The following CHD1L variants were observed in gnomAD, a reference collection of about 807,000 sequenced individuals.
CHD1L encodes chromodomain helicase DNA binding protein 1 like.
Under a neutral mutation model 115.9 loss-of-function variants are expected in CHD1L, and 118 were observed. The ratio of observed to expected loss-of-function variants is 1.02; its 90% CI spans 0.88 to 1.19. The LOEUF is 1.19. Among genes scored for constraint, CHD1L ranks in the 50% most tolerant of loss-of-function variants. The pLI is 0.00. For missense variants in CHD1L, 1,179 were observed against 1,065.3 expected (o/e 1.11, Z -1.49); for synonymous variants, 411 against 387.1 (o/e 1.06, Z -0.72).
chr1:147,291,526 G>A lies in CHD1L; in HGVS notation c.2365G>A (p.Glu789Lys). 1 of 1,613,920 alleles carries A rather than the reference G, an allele frequency of 6.2e-7. No individual in the cohort carries two copies. The highest frequency in any genetic ancestry group is 1.7e-5 in the Admixed American group (1 of 60,006). ...GVLLFPVDDK[E>K]SRNKGQDLLA... The stretch of plus-strand genomic sequence containing the variant: ...CCTTTTATTTCCTGTTGATGATAAA[G>A]AATCAAGAAACAAAGGGCAAGATTT... The change falls in exon 20 of 23, where the codon GAA (glutamate) becomes AAA (lysine). Residue 789 changes from glutamate (E) to lysine (K), a missense_variant. Coordinates refer to ENST00000369258, the MANE Select transcript of CHD1L (RefSeq NM_004284.6).
the CHD1L span, among the ~76,000 whole-genome samples, chr1:147,230,668 T>C: frequency 4.2e-5 from 6 of 143,156 alleles, no homozygotes; most frequent in Non-Finnish European, 9.0e-5. Flanking sequence ...AAGCTATTAA[T>C]TATTGCCTCA....
At chr1:147,229,582 C>G in the CHD1L span, among the ~76,000 whole-genome samples, 2 of 152,252 alleles carry the variant, frequency 1.3e-5, no homozygotes, top group South Asian at 4.2e-4. Flanking sequence ...GGCATTTAAT[C>G]TATAAATTAC....
chr1:147,244,484 TAC>T (rs1432354158), intron 1 of CHD1L, among the ~76,000 whole-genome samples: 1 of 236 alleles, frequency 4.2e-3, no homozygotes, highest in South Asian at 0.1. Flanking sequence ...AAATTCTTAC[TAC>T]TTTTTTTTCG....
Position 147,275,443 on chromosome 1 carries a change from A to G in CHD1L, c.1360A>G (p.Arg454Gly). The change falls in exon 13 of 23, where the codon AGG (arginine) becomes GGG (glycine). Residue 454 changes from arginine (R) to glycine (G), a missense_variant. Transcript: ENST00000369258. ...NPQNDLQAAA[R>G]AHRIGQNKSV... The stretch of plus-strand genomic sequence containing the variant: ...TCAGAATGACTTGCAAGCAGCTGCC[A>G]GGGCTCATCGCATTGGCCAAAACAA... 1.9e-6 allele frequency: 3 copies of G among 1,614,128 alleles called. No individual in the cohort carries two copies. In the South Asian group the frequency reaches 3.3e-5, roughly 18 times the overall value.
chr1:147,232,773 T>G, the CHD1L span, among the ~76,000 whole-genome samples: 2 of 152,218 alleles, frequency 1.3e-5, no homozygotes, highest in Non-Finnish European at 2.9e-5. Flanking sequence ...GGTGCCGGGA[T>G]TGCAGATGGT....
intron 18 of CHD1L, 110 bp downstream of exon 18, chr1:147,286,610 C>G (rs1553966182): frequency 1.8e-6 from 1 of 566,786 alleles, no homozygotes; most frequent in Non-Finnish European, 2.9e-6. Context: ...TAGTATTGTA[C>G]AGTCAAAAAA....
intron 1 of CHD1L, among the ~76,000 whole-genome samples, chr1:147,248,200 T>C (rs1406617555): frequency 9.3e-6 from 1 of 107,536 alleles, no homozygotes; most frequent in Non-Finnish European, 1.8e-5. Flanking sequence ...AAATCCACTC[T>C]GGAAGTCTTA....
the CHD1L span, among the ~76,000 whole-genome samples, chr1:147,208,056 A>C: frequency 6.6e-6 from 1 of 152,226 alleles, no homozygotes; most frequent in South Asian, 2.1e-4. Flanking sequence ...AAATAGTACC[A>C]ACTTATAGGG....
chr1:147,259,764 T>C, intron 5 of CHD1L, 73 bp from the exon 6 acceptor site: 2 of 1,289,704 alleles, frequency 1.6e-6, no homozygotes, highest in Non-Finnish European at 2.2e-6. Flanking sequence ...GTCACAGTTT[T>C]GTAGTAAGAC....
intron 15 of CHD1L, among the ~76,000 whole-genome samples, chr1:147,280,635 C>A (rs1240854059): frequency 6.6e-6 from 1 of 152,170 alleles, no homozygotes; most frequent in African/African-American, 2.4e-5. Flanking sequence ...CGGACTTTGT[C>A]ATGTGCTTTT....
the CHD1L span, chr1:147,178,701 T>A: frequency 6.3e-7 from 1 of 1,575,514 alleles, no homozygotes; most frequent in Non-Finnish European, 8.7e-7. Flanking sequence ...TGAACGAGTA[T>A]GATGATAACG....
chr1:147,236,435 G>A, the CHD1L span, among the ~76,000 whole-genome samples: 1 of 152,246 alleles, frequency 6.6e-6, no homozygotes, highest in East Asian at 1.9e-4. Context: ...CGTCCAAGTA[G>A]AATGATGTAA....
rs587604161 is a variant in CHD1L at position 147,269,262 on chromosome 1, T to A, written c.1085+384T>A. The stretch of plus-strand genomic sequence containing the variant: ...TGCCTGCTAGTAACTTGGCATTGAA[T>A]TGACACATAATGAAGGCTCAGTAAA... On this transcript the variant is annotated intron_variant, in intron 10 of 22. Transcript: ENST00000369258. Among the ~76,000 whole-genome samples the A allele has an allele frequency of 3.3e-5, 5 of 152,316 alleles. No homozygotes were observed. In the East Asian group the frequency reaches 9.7e-4, roughly 29 times the overall value.
At chr1:147,269,273 T>C (rs1395725455) in intron 10 of CHD1L, among the ~76,000 whole-genome samples, 3 of 152,216 alleles carry the variant, frequency 2.0e-5, no homozygotes, top group Admixed American at 6.5e-5. Context: ...TGACACATAA[T>C]GAAGGCTCAG....
intron 5 of CHD1L, among the ~76,000 whole-genome samples, chr1:147,258,101 T>A (rs975498954): frequency 6.6e-6 from 1 of 152,218 alleles, no homozygotes; most frequent in African/African-American, 2.4e-5. Context: ...TAATATCATC[T>A]CTGCCCTAAA....
At chr1:147,190,070 A>T in the CHD1L span, 1 of 711,898 alleles carries the variant, frequency 1.4e-6, no homozygotes, top group South Asian at 2.2e-5. Flanking sequence ...TCATAATAGA[A>T]TCTAAATCCT....
At chr1:147,179,641 C>T in the CHD1L span, 4 of 1,398,038 alleles carry the variant, frequency 2.9e-6, no homozygotes, top group Non-Finnish European at 4.0e-6. Flanking sequence ...AGTAGGCAAA[C>T]ACCACTTTGT....
chr1:147,280,306 A>T (rs782770058), intron 15 of CHD1L, 115 bp downstream of exon 15: 2 of 1,074,934 alleles, frequency 1.9e-6, no homozygotes, highest in African/African-American at 3.2e-5. Flanking sequence ...CCCTTACCCT[A>T]TTGTCATTTG....
chr1:147,266,013 C>G lies in CHD1L; in HGVS notation c.821C>G (p.Thr274Arg). 1 of 1,613,634 alleles carries G rather than the reference C, an allele frequency of 6.2e-7. No homozygotes were observed. ...AEVATELPKK[T>R]EVVIYHGMSA... ...GTAGCTACAGAGCTTCCCAAGAAGA[C>G]AGAAGTAGTGATATACCATGGCATG... The change falls in exon 8 of 23, where the codon ACA becomes AGA. Residue 274 changes from threonine to arginine, a missense_variant. Physicochemically the swap from Thr to Arg is moderately conservative, Grantham distance 71. Transcript: ENST00000369258.
Sources: allele counts gnomAD v4.1 joint callset (sites outside exome capture counted in the v4.1 genomes callset), GRCh38; gene constraint gnomAD v4.1.1; transcripts MANE v1.5; gene names NCBI Gene and HGNC (gene_info 2026-07-23, HGNC 2026-07-21).